TASP1: variants seen among roughly 807,000 people sequenced by gnomAD.
TASP1 encodes threonine aspartase 1.
In TASP1, 16 loss-of-function variants were observed where a neutral mutation model predicts 56.6. The observed-to-expected ratio is 0.28, with a 90% CI of 0.19 to 0.43. The LOEUF (loss-of-function observed/expected upper bound fraction) is 0.43. Among genes scored for constraint, TASP1 ranks in the 20% least tolerant of loss-of-function variants. The pLI is 1.00. For synonymous variants in TASP1, 179 were observed against 184.2 expected, an observed-to-expected ratio of 0.97 and a Z score of 0.23; for missense variants, 393 against 511.6, an observed-to-expected ratio of 0.77 and a Z score of 2.24.
chr20:13,146,468 G>C, the TASP1 span, among the ~76,000 whole-genome samples: 1 of 152,116 alleles, frequency 6.6e-6, no homozygotes, highest in Non-Finnish European at 1.5e-5. Flanking sequence ...AGGGTTCCCA[G>C]AAGGCCCTCA....
the TASP1 span, among the ~76,000 whole-genome samples, chr20:13,349,851 C>T: frequency 1.1e-3 from 167 of 152,228 alleles, no homozygotes; most frequent in African/African-American, 3.7e-3. Flanking sequence ...AAAAATAATA[C>T]GGTTTAAAAA....
the TASP1 span, chr20:13,126,716 A>G: frequency 6.2e-7 from 1 of 1,613,854 alleles, no homozygotes; most frequent in Non-Finnish European, 8.5e-7. Flanking sequence ...GGACCACTCA[A>G]GGTAAGAGGA....
At chr20:13,592,286 A>G (rs1200780611) in intron 4 of TASP1, among the ~76,000 whole-genome samples, 2 of 151,834 alleles carry the variant, frequency 1.3e-5, no homozygotes, top group Non-Finnish European at 2.9e-5. Context: ...AATCCCAGCT[A>G]CTCGGGAGGC....
At chr20:13,259,364 CTT>C in the TASP1 span, among the ~76,000 whole-genome samples, 341 of 152,114 alleles carry the variant, frequency 2.2e-3, 2 homozygotes, top group African/African-American at 7.3e-3. Context: ...GAATTTCCCA[CTT>C]TCTACTTTGC....
the TASP1 span, among the ~76,000 whole-genome samples, chr20:13,306,564 C>CCAA: frequency 1.6e-5 from 1 of 63,914 alleles, no homozygotes; most frequent in Non-Finnish European, 2.6e-5. Flanking sequence ...GGAGAAAGGA[C>CCAA]AAAAAAAAAA....
At chr20:13,556,266 A>G (rs892258065) in intron 8 of TASP1, among the ~76,000 whole-genome samples, 1 of 152,136 alleles carries the variant, frequency 6.6e-6, no homozygotes, top group Non-Finnish European at 1.5e-5. Flanking sequence ...AACCCTCAAA[A>G]TATTTTCTGG....
At chr20:13,250,744 TG>T in the TASP1 span, among the ~76,000 whole-genome samples, 1 of 152,202 alleles carries the variant, frequency 6.6e-6, no homozygotes, top group Admixed American at 6.5e-5. Flanking sequence ...ACGGAGTAAT[TG>T]GCTCTCAGTA....
intron 4 of TASP1, among the ~76,000 whole-genome samples, chr20:13,594,456 C>A (rs546680601): frequency 2.6e-5 from 4 of 152,172 alleles, no homozygotes; most frequent in Admixed American, 2.6e-4. Flanking sequence ...TCTAACACAT[C>A]GCAAAAAGCT....
intron 10 of TASP1, among the ~76,000 whole-genome samples, chr20:13,519,969 A>G (rs1308157898): frequency 1.3e-5 from 2 of 152,216 alleles, no homozygotes; most frequent in Non-Finnish European, 2.9e-5. Flanking sequence ...GCATTCTTAT[A>G]CACCAATAAC....
At chr20:13,469,943 G>T (rs1335396294) in intron 11 of TASP1, among the ~76,000 whole-genome samples, 1 of 151,284 alleles carries the variant, frequency 6.6e-6, no homozygotes, top group Admixed American at 6.6e-5. Context: ...CGAGTAGCAG[G>T]AACTATAGGC....
At chr20:13,529,202 C>T (rs1366349313) in intron 9 of TASP1, among the ~76,000 whole-genome samples, 1 of 152,192 alleles carries the variant, frequency 6.6e-6, no homozygotes. Context: ...GGTGGTGGAG[C>T]AGATTTATAC....
chr20:13,497,168 G>A (rs906876987), intron 10 of TASP1, among the ~76,000 whole-genome samples: 1 of 152,172 alleles, frequency 6.6e-6, no homozygotes, highest in Non-Finnish European at 1.5e-5. Context: ...ACACCCTGAG[G>A]TGCATAAGTT....
chr20:13,198,538 T>A, the TASP1 span, among the ~76,000 whole-genome samples: 1 of 152,174 alleles, frequency 6.6e-6, no homozygotes, highest in South Asian at 2.1e-4. Flanking sequence ...ACACAAACAT[T>A]CAGTCCACTG....
the TASP1 span, among the ~76,000 whole-genome samples, chr20:13,348,869 G>C: frequency 6.6e-6 from 1 of 152,156 alleles, no homozygotes; most frequent in African/African-American, 2.4e-5. Context: ...TACAGTTCTG[G>C]ATCCACAGCC....
At chr20:13,627,215 T>C (rs756640221) in intron 2 of TASP1, among the ~76,000 whole-genome samples, 5 of 152,116 alleles carry the variant, frequency 3.3e-5, no homozygotes, top group Admixed American at 6.5e-5. Flanking sequence ...TCACAAAAGT[T>C]TGGGCAAGTC....
At chr20:13,331,167 T>C in the TASP1 span, among the ~76,000 whole-genome samples, 1 of 152,212 alleles carries the variant, frequency 6.6e-6, no homozygotes. Context: ...CACTGCTTTA[T>C]CTGCATCCCA....
intron 7 of TASP1, among the ~76,000 whole-genome samples, chr20:13,568,060 A>G (rs755509093): frequency 6.6e-6 from 1 of 152,218 alleles, no homozygotes; most frequent in Non-Finnish European, 1.5e-5. Flanking sequence ...TAAAACTCTC[A>G]TATTTCAGCC....
At chr20:13,208,854 C>T in the TASP1 span, among the ~76,000 whole-genome samples, 1 of 152,194 alleles carries the variant, frequency 6.6e-6, no homozygotes, top group Admixed American at 6.5e-5. Context: ...AACCACCCAA[C>T]AAACTCATAG....
At chr20:13,462,099 GA>G (rs1216249167) in intron 11 of TASP1, among the ~76,000 whole-genome samples, 2 of 151,636 alleles carry the variant, frequency 1.3e-5, no homozygotes, top group Non-Finnish European at 2.9e-5. Flanking sequence ...CTTATTATGA[GA>G]AAAAAAATAA....
Sources: allele counts gnomAD v4.1 joint callset (sites outside exome capture counted in the v4.1 genomes callset), GRCh38; gene constraint gnomAD v4.1.1; transcripts MANE v1.5; gene names NCBI Gene and HGNC (gene_info 2026-07-23, HGNC 2026-07-21).